The following CERS4 variants were observed in gnomAD, a reference collection of about 807,000 sequenced individuals.
CERS4 encodes the protein ceramide synthase 4, also known as LAG1 homolog, ceramide synthase 4.
In CERS4, 65 loss-of-function variants were observed where a neutral mutation model predicts 51.8. That is an observed-to-expected ratio of 1.26 (90% CI 1.03 to 1.54). CERS4 has a LOEUF of 1.54. Among genes scored for constraint, CERS4 ranks in the 40% most tolerant of loss-of-function variants. CERS4 has a pLI of 0.00. For missense variants in CERS4, 563 were observed against 500.4 expected, an observed-to-expected ratio of 1.13 and a Z score of -1.19; for synonymous variants, 228 against 208.4, an observed-to-expected ratio of 1.09 and a Z score of -0.81.
intron 2 of CERS4, among the ~76,000 whole-genome samples, chr19:8,248,546 G>A (rs1417886656): frequency 6.6e-6 from 1 of 151,822 alleles, no homozygotes; most frequent in Non-Finnish European, 1.5e-5. Context: ...TGATGGCTGG[G>A]TGGACAGATG....
chr19:8,262,213 G>A lies in CERS4; in HGVS notation c.*104G>A. 7.9e-7 allele frequency: 1 copy of A among 1,266,146 alleles called. No homozygotes were observed. The allele number at this position is 1,266,146 out of a possible 1,614,324, so 78.4% of individuals were successfully genotyped here. On this transcript the variant is annotated 3_prime_UTR_variant, in exon 12 of 12. Coordinates refer to ENST00000251363, the MANE Select transcript of CERS4 (RefSeq NM_024552.3). ...GGGCCACCTTTCTGGAGACAGGGAG[G>A]GCCCCACCCGGGGTGGGTGGGAAGG...
chr19:8,251,112 C>T lies in CERS4; in HGVS notation c.36C>T (p.Asp12=). ...LSSFNEWFWQ[D]RFWLPPNVTW... ...GTTTCAACGAGTGGTTTTGGCAGGACAGGTTCTGGTTACCACCCAATGTCA... is the reference window on the plus strand; with the variant it reads ...GTTTCAACGAGTGGTTTTGGCAGGATAGGTTCTGGTTACCACCCAATGTCA... The change falls in exon 3 of 12, where the codon GAC becomes GAT. Residue 12 remains aspartate (D), a synonymous_variant. Transcript: ENST00000251363. The T allele has an allele frequency of 6.2e-7, 1 of 1,609,182 alleles. No homozygotes were observed. Among genetic ancestry groups the T allele is most frequent in the East Asian group, 2.3e-5 (1 of 44,430 alleles).
At chr19:8,232,364 C>T (rs757161739) in intron 2 of CERS4, among the ~76,000 whole-genome samples, 4 of 151,896 alleles carry the variant, frequency 2.6e-5, no homozygotes, top group Admixed American at 2.0e-4. Flanking sequence ...AATCTCGGCT[C>T]GCTGCAACCT....
chr19:8,235,146 T>C (rs1056758094), intron 2 of CERS4, among the ~76,000 whole-genome samples: 5 of 149,674 alleles, frequency 3.3e-5, no homozygotes, highest in South Asian at 2.1e-4. Context: ...GTAGCTGGGA[T>C]TACAGGCACA....
At chr19:8,251,927 A>C (rs1969103843) in intron 3 of CERS4, among the ~76,000 whole-genome samples, 1 of 151,766 alleles carries the variant, frequency 6.6e-6, no homozygotes, top group East Asian at 1.9e-4. Flanking sequence ...CCTTAAAAAA[A>C]ATTTTTTTTT....
intron 2 of CERS4, among the ~76,000 whole-genome samples, 200 bp downstream of exon 2, chr19:8,211,062 G>A (rs1280199527): frequency 1.3e-5 from 2 of 152,174 alleles, no homozygotes; most frequent in African/African-American, 2.4e-5. Context: ...CTAAGGAACC[G>A]GAGAGGGTTC....
chr19:8,238,379 C>G (rs1396578279), intron 2 of CERS4, among the ~76,000 whole-genome samples: 1 of 152,040 alleles, frequency 6.6e-6, no homozygotes, highest in African/African-American at 2.4e-5. Context: ...TGATCCAGGA[C>G]TTGAAAGGCA....
At chr19:8,230,676 T>A (rs1007429936) in intron 2 of CERS4, among the ~76,000 whole-genome samples, 1 of 152,220 alleles carries the variant, frequency 6.6e-6, no homozygotes, top group Non-Finnish European at 1.5e-5. Context: ...TAAACTTTTT[T>A]CTTCTCTGTT....
In CERS4 at chr19:8,256,937, C is replaced by A. The variant is rs575506989; in HGVS notation, c.613-12C>A. Reference sequence around the variant, plus strand: ...AAGCCTCGTCCCCACTATGACCCACCGTCTACTGCAGGATTTCAAGGAGCA... The same window carrying A: ...AAGCCTCGTCCCCACTATGACCCACAGTCTACTGCAGGATTTCAAGGAGCA... On this transcript the variant is annotated splice_polypyrimidine_tract_variant and intron_variant, in intron 8 of 11. Transcript: ENST00000251363. 6.2e-7 allele frequency: 1 copy of A among 1,614,092 alleles called. No individual in the cohort carries two copies. The highest frequency in any genetic ancestry group is 8.5e-7 in the Non-Finnish European group (1 of 1,180,022).
At chr19:8,213,305 G>A (rs1967155269) in intron 2 of CERS4, among the ~76,000 whole-genome samples, 1 of 152,036 alleles carries the variant, frequency 6.6e-6, no homozygotes, top group South Asian at 2.1e-4. Flanking sequence ...ATGAGCCACT[G>A]CACTCGGCCT....
At chr19:8,250,773 A>G in intron 2 of CERS4, 1 of 1,102,174 alleles carries the variant, frequency 9.1e-7, no homozygotes. Context: ...TGTTTTACAG[A>G]TGAACTTGAG....
rs370319528 is a variant in CERS4 at position 8,261,718 on chromosome 19, C to G, written c.879C>G (p.Ile293Met). The G allele has an allele frequency of 4.8e-5, 78 of 1,614,040 alleles. No individual in the cohort carries two copies. The highest frequency in any genetic ancestry group is 6.4e-5 in the Non-Finnish European group (76 of 1,180,032). Reference protein sequence around the residue: ...QILYTTYYESISNRGPFFGYY... With the variant: ...QILYTTYYESMSNRGPFFGYY... ...TCTACACCACATACTACGAGTCCAT[C>G]AGCAACAGGGGCCCCTTCTTCGGCT... The change falls in exon 11 of 12, where the codon ATC (isoleucine) becomes ATG (methionine). Residue 293 changes from isoleucine (I) to methionine (M), a missense_variant. Ile to Met is a conservative substitution (Grantham distance 10). Coordinates refer to ENST00000251363, the MANE Select transcript of CERS4 (RefSeq NM_024552.3).
intron 2 of CERS4, among the ~76,000 whole-genome samples, chr19:8,250,190 G>C (rs1269553564): frequency 6.6e-6 from 1 of 150,844 alleles, no homozygotes; most frequent in Non-Finnish European, 1.5e-5. Flanking sequence ...GGCCAGGCTG[G>C]TCTCAAACTC....
intron 2 of CERS4, among the ~76,000 whole-genome samples, chr19:8,242,241 T>C (rs556292680): frequency 6.6e-6 from 1 of 152,306 alleles, no homozygotes; most frequent in Non-Finnish European, 1.5e-5. Context: ...ATCTTTTATT[T>C]ATGCTTTAAG....
rs764371802 is a variant in CERS4, at chr19:8,256,993, G to A, written c.657G>A (p.Leu219=). 5 of 1,614,098 alleles carry A rather than the reference G, an allele frequency of 3.1e-6. No homozygotes were observed. In the East Asian group the frequency reaches 6.7e-5, roughly 22 times the overall value. The change falls in exon 9 of 12, where the codon CTG becomes CTA. Residue 219 remains leucine, a synonymous_variant. Coordinates refer to ENST00000251363, the MANE Select transcript of CERS4 (RefSeq NM_024552.3). ...TACACCACTTCGTGGCGGTCATCCT[G>A]ATGACCTTCTCCTACAGTGCCAACC... is the stretch of plus-strand genomic sequence containing the variant. The part of the protein sequence containing the change: ...QVIHHFVAVI[L]MTFSYSANLL...
At chr19:8,221,367 G>A (rs961188544) in intron 2 of CERS4, among the ~76,000 whole-genome samples, 12 of 152,036 alleles carry the variant, frequency 7.9e-5, no homozygotes, top group East Asian at 1.9e-4. Context: ...TGCCAACATC[G>A]GGAACTGGTC....
chr19:8,253,051 A>T (rs2145302457), intron 3 of CERS4, among the ~76,000 whole-genome samples: 1 of 152,346 alleles, frequency 6.6e-6, no homozygotes, highest in South Asian at 2.1e-4. Context: ...TTCTCTCCGC[A>T]TCATGATTTA....
At chr19:8,221,872 GTTTTTTTTTT>G (rs71165297) in intron 2 of CERS4, among the ~76,000 whole-genome samples, 14 of 39,488 alleles carry the variant, frequency 3.5e-4, no homozygotes, top group Non-Finnish European at 5.2e-4. Flanking sequence ...ATTTTTTTAT[GTTTTTTTTTT>G]TTTTTTTTTT....
intron 2 of CERS4, among the ~76,000 whole-genome samples, chr19:8,243,086 C>T (rs933542495): frequency 1.3e-5 from 2 of 149,476 alleles, no homozygotes; most frequent in Non-Finnish European, 1.5e-5. Flanking sequence ...ACCAGTGACT[C>T]AGAAGGCTGA....
Sources: allele counts gnomAD v4.1 joint callset (sites outside exome capture counted in the v4.1 genomes callset), GRCh38; gene constraint gnomAD v4.1.1; transcripts MANE v1.5; gene names NCBI Gene and HGNC (gene_info 2026-07-23, HGNC 2026-07-21).